Variants in NLRC4 observed in about 807,000 individuals in gnomAD.
NLRC4 encodes NLR family CARD domain-containing protein 4.
NLRC4 carries 63 observed loss-of-function variants against 79.9 expected under a neutral mutation model. The ratio of observed to expected loss-of-function variants is 0.79; its 90% confidence interval spans 0.64 to 0.97. NLRC4 has a LOEUF of 0.97. Ranked by LOEUF, NLRC4 falls within the 50% of genes least tolerant of loss-of-function variation. The pLI, the probability that NLRC4 is intolerant of heterozygous loss-of-function variation, is 0.00. For missense variants in NLRC4, 1,074 were observed against 1,215.2 expected (o/e 0.88, Z 1.73); for synonymous variants, 461 against 456.5 (o/e 1.01, Z -0.12).
intron 8 of NLRC4, among the ~76,000 whole-genome samples, chr2:32,233,409 T>C (rs2148932716): frequency 6.8e-6 from 1 of 146,524 alleles, no homozygotes; most frequent in East Asian, 2.0e-4. Flanking sequence ...CCAGGCTGGT[T>C]TCAAACTTCT....
chr2:32,250,209 T>C lies in NLRC4; in HGVS notation c.1655A>G (p.Asn552Ser), dbSNP rs768210830. Residue 552 changes from asparagine to serine, a missense_variant, in exon 4 of 9, where the codon AAT (asparagine) becomes AGT (serine). Asn to Ser is a conservative substitution (Grantham distance 46). Coordinates refer to ENST00000402280, the MANE Select transcript of NLRC4 (RefSeq NM_001199138.2). This position sits in a 1 kb window ranked among gnomAD's most constrained non-coding sequence, Gnocchi z 4.9. ...EQEILKAINI[N>S]SFVECGIHLY... ...ATGGATGCCACACTCTACAAAGGAATTGATGTTTATGGCTTTCAGAATTTC... is the reference window on the plus strand; with the variant it reads ...ATGGATGCCACACTCTACAAAGGAACTGATGTTTATGGCTTTCAGAATTTC... The C allele has an allele frequency of 1.3e-5, 21 of 1,614,112 alleles. No individual in the cohort carries two copies. Among genetic ancestry groups the C allele is most frequent in the Middle Eastern group, 1.6e-4 (1 of 6,084 alleles).
rs11421087 is a variant in NLRC4 at position 32,238,664 on chromosome 2, CG to C, written c.2351-363del. Among the ~76,000 whole-genome samples the C allele has an allele frequency of 9.9e-5, 15 of 151,622 alleles. No individual in the cohort carries two copies. In the South Asian group the frequency reaches 3.1e-3, roughly 32 times the overall value. On this transcript the variant is annotated intron_variant, in intron 5 of 8. Transcript: ENST00000402280. ...CAATCTTCTCAAAAATCTTAAACAG[CG>C]GGGGGGCTGAGTTCAGGGAGGTAGA... is the stretch of plus-strand genomic sequence containing the variant.
rs757751172 is a variant in NLRC4, at chr2:32,249,617, T to C, written c.2247A>G (p.Gln749=). 6 of 1,585,594 alleles carry C rather than the reference T, an allele frequency of 3.8e-6. No homozygotes were observed. Among genetic ancestry groups the C allele is most frequent in the Admixed American group, 3.7e-5 (2 of 54,268 alleles). ...KTLSIHDLQN[Q]RLPGGLTDSL... ...TGATATTTACAATACCCGGCAGCCG[T>C]TGATTCTGTAGGTCATGAATACTCA... The change falls in exon 4 of 9, where the codon CAA becomes CAG. Residue 749 remains glutamine (Q), a synonymous_variant. Coordinates refer to ENST00000402280, the MANE Select transcript of NLRC4 (RefSeq NM_001199138.2).
At chr2:32,245,883 T>TA (rs757877144) in intron 4 of NLRC4, among the ~76,000 whole-genome samples, 1 of 152,164 alleles carries the variant, frequency 6.6e-6, no homozygotes, top group East Asian at 1.9e-4. Context: ...TGTATACCTT[T>TA]AAAAAATCAA....
chr2:32,246,940 T>C (rs1686951212), intron 4 of NLRC4, among the ~76,000 whole-genome samples: 1 of 152,088 alleles, frequency 6.6e-6, no homozygotes, highest in African/African-American at 2.4e-5. Flanking sequence ...CACGCCCAGA[T>C]GATTAATTTT....
Position 32,252,664 on chromosome 2 carries a change from T to A in NLRC4, c.17A>T (p.Asp6Val). The change falls in exon 3 of 9, where the codon GAC becomes GTC. Residue 6 changes from aspartate to valine, a missense_variant. Physicochemically the swap from Asp to Val is radical, Grantham distance 152 (BLOSUM62 -3). Coordinates refer to ENST00000402280, the MANE Select transcript of NLRC4 (RefSeq NM_001199138.2). Reference protein sequence around the residue: MNFIKDNSRALIQRMG... With the variant: MNFIKVNSRALIQRMG... ...TCTTTGAATAAGGGCTCGGCTATTGTCCTTTATGAAATTCACTGAGGAGAT... is the reference window on the plus strand; with the variant it reads ...TCTTTGAATAAGGGCTCGGCTATTGACCTTTATGAAATTCACTGAGGAGAT... 1 of 1,612,976 alleles carries A rather than the reference T, an allele frequency of 6.2e-7. No homozygotes were observed. Among genetic ancestry groups the A allele is most frequent in the Admixed American group, 1.7e-5 (1 of 60,010 alleles).
chr2:32,233,201 GGAGGGA>G (rs1686588037), intron 8 of NLRC4, among the ~76,000 whole-genome samples: 1 of 114,920 alleles, frequency 8.7e-6, no homozygotes, highest in Non-Finnish European at 1.8e-5. Flanking sequence ...AGGAAGGGAG[GGAGGGA>G]AAGGAAGAAG....
intron 8 of NLRC4, among the ~76,000 whole-genome samples, chr2:32,230,291 A>G (rs1472855903): frequency 1.3e-5 from 2 of 152,206 alleles, no homozygotes; most frequent in Admixed American, 6.6e-5. Context: ...ACAGAAACAC[A>G]GTAAGATTGC....
chr2:32,239,701 A>G (rs1342455348), intron 5 of NLRC4, among the ~76,000 whole-genome samples: 2 of 152,204 alleles, frequency 1.3e-5, no homozygotes, highest in Non-Finnish European at 2.9e-5. Flanking sequence ...TCAAGTTCAC[A>G]TTTTGATTCC....
At position 32,245,515 on chromosome 2, in the gene NLRC4, A is replaced by G. The variant is rs796302919; in HGVS notation, c.2257+4092T>C. 6.6e-5 allele frequency among the ~76,000 whole-genome samples: 10 copies of G among 152,224 alleles called. 1 individual carries two copies. The highest frequency in any genetic ancestry group is 2.4e-4 in the African/African-American group (10 of 41,548). On this transcript the variant is annotated intron_variant, in intron 4 of 8. Transcript: ENST00000402280. The stretch of plus-strand genomic sequence containing the variant: ...GGAGGTGGAAATGGTTAATGGATAC[A>G]AAAAAATACTTAGAAGGGATAAATA...
intron 2 of NLRC4, among the ~76,000 whole-genome samples, chr2:32,253,940 G>A (rs1445951687): frequency 6.9e-6 from 1 of 145,930 alleles, no homozygotes; most frequent in Non-Finnish European, 1.5e-5. Flanking sequence ...CTCCAGCCTG[G>A]GCAACAAGAG....
Position 32,238,186 on chromosome 2 carries a change from C to G in NLRC4, c.2467G>C (p.Glu823Gln). The change falls in exon 6 of 9, where the codon GAA (glutamate) becomes CAA (glutamine). Residue 823 changes from glutamate (E) to glutamine (Q), a missense_variant. Glu to Gln is a conservative substitution (Grantham distance 29, BLOSUM62 2). Transcript: ENST00000402280. ...CAGCAGGAGACTAATTGAATTTCTTCAAGGTCACAGGGTTCACTTGACAGA... is the reference window on the plus strand; with the variant it reads ...CAGCAGGAGACTAATTGAATTTCTTGAAGGTCACAGGGTTCACTTGACAGA... ...KSLSSEPCDL[E>Q]EIQLVSCCLS... The G allele has an allele frequency of 6.2e-7, 1 of 1,613,812 alleles. No homozygotes were observed. The highest frequency in any genetic ancestry group is 1.6e-4 in the Middle Eastern group (1 of 6,062).
At chr2:32,231,862 A>G (rs1686547224) in intron 8 of NLRC4, among the ~76,000 whole-genome samples, 1 of 152,110 alleles carries the variant, frequency 6.6e-6, no homozygotes, top group Admixed American at 6.5e-5. Flanking sequence ...ACCCAGCCTT[A>G]GTTTTGACCA....
In NLRC4 at chr2:32,255,575, A is replaced by C. The variant is rs972189267; in HGVS notation, c.1+1200T>G. On this transcript the variant is annotated intron_variant, in intron 2 of 8. Transcript: ENST00000402280. ...GCCTCAGAAAGGCTTAGAGACCCAC[A>C]CACACACAAGTTCACAGCCTAGCCT... 6.6e-5 allele frequency among the ~76,000 whole-genome samples: 10 copies of C among 151,704 alleles called. No homozygotes were observed. In the East Asian group the frequency reaches 1.9e-3, roughly 29 times the overall value.
chr2:32,233,571 C>CAT (rs989438697), intron 8 of NLRC4, among the ~76,000 whole-genome samples: 5 of 151,548 alleles, frequency 3.3e-5, no homozygotes, highest in African/African-American at 1.2e-4. Context: ...GTTTAATTTC[C>CAT]ATATGTTTGT....
At chr2:32,225,565 T>C (rs1274337569) in intron 8 of NLRC4, among the ~76,000 whole-genome samples, 2 of 152,170 alleles carry the variant, frequency 1.3e-5, no homozygotes, top group African/African-American at 4.8e-5. Context: ...TTATTTACCA[T>C]CATACAGATT....
At chr2:32,232,860 T>C (rs1686570508) in intron 8 of NLRC4, among the ~76,000 whole-genome samples, 1 of 152,102 alleles carries the variant, frequency 6.6e-6, no homozygotes, top group Admixed American at 6.6e-5. Context: ...ATTTATTATT[T>C]TGCAGGTAGA....
intron 4 of NLRC4, among the ~76,000 whole-genome samples, chr2:32,248,456 A>G (rs1033350175): frequency 6.6e-6 from 1 of 152,228 alleles, no homozygotes; most frequent in African/African-American, 2.4e-5. Context: ...GCAATAAATT[A>G]CCAAGTTATA....
intron 4 of NLRC4, among the ~76,000 whole-genome samples, chr2:32,245,366 T>TA (rs1298542277): frequency 3.0e-3 from 373 of 124,826 alleles, no homozygotes; most frequent in African/African-American, 0.011. Flanking sequence ...GTAAGTGAAA[T>TA]AAGCCAGGCA....
Sources: allele counts gnomAD v4.1 joint callset (sites outside exome capture counted in the v4.1 genomes callset), GRCh38; gene constraint gnomAD v4.1.1; non-coding constraint Gnocchi (gnomAD v3.1); transcripts MANE v1.5; gene names NCBI Gene and HGNC (gene_info 2026-07-23, HGNC 2026-07-21).